TNIK: variants seen among roughly 807,000 people sequenced by gnomAD.
TNIK encodes the protein TRAF2 and NCK interacting kinase, also known as TRAF2 and NCK-interacting protein kinase.
In TNIK, 49 loss-of-function variants were observed where a neutral mutation model predicts 191.3. The observed-to-expected ratio is 0.26, with a 90% CI of 0.20 to 0.32. The LOEUF (loss-of-function observed/expected upper bound fraction) is 0.32, where lower values mean the gene tolerates loss of function less well. TNIK is among the 10% of genes least tolerant of loss of function. The pLI is 1.00. For missense variants in TNIK, 1,155 were observed against 1,702.3 expected (o/e 0.68, Z 5.66); for synonymous variants, 594 against 600.9 (o/e 0.99, Z 0.17).
Position 171,116,380 on chromosome 3 carries a change from T to C in TNIK, c.2121-5503A>G, listed in dbSNP as rs1726699024. Among the ~76,000 whole-genome samples the C allele has an allele frequency of 2.6e-5, 4 of 152,378 alleles. No homozygotes were observed. In the South Asian group the frequency reaches 6.2e-4, roughly 24 times the overall value. ...CATCCAAATGGATTTCTTTAAATGCTAACTTTTAGTTCAGACATTTGCCAT... is the reference window on the plus strand; with the variant it reads ...CATCCAAATGGATTTCTTTAAATGCCAACTTTTAGTTCAGACATTTGCCAT... On this transcript the variant is annotated intron_variant, in intron 18 of 32. Coordinates refer to ENST00000436636, the MANE Select transcript of TNIK (RefSeq NM_015028.4).
At chr3:171,418,554 C>T (rs974888713) in intron 1 of TNIK, among the ~76,000 whole-genome samples, 1 of 152,024 alleles carries the variant, frequency 6.6e-6, no homozygotes, top group Admixed American at 6.6e-5. Flanking sequence ...CAAGGATGAA[C>T]CTTGAAAACA....
rs1715777506 is a variant in TNIK at position 171,366,790 on chromosome 3, T to C, written c.123+2830A>G. Among the ~76,000 whole-genome samples, 1 of 152,222 alleles carries C rather than the reference T, an allele frequency of 6.6e-6. No homozygotes were observed. The highest frequency in any genetic ancestry group is 2.1e-4 in the South Asian group (1 of 4,828). On this transcript the variant is annotated intron_variant, in intron 2 of 32. Transcript: ENST00000436636. This position sits in a 1 kb window ranked among gnomAD's most constrained non-coding sequence, Gnocchi z 4.1. ...AATTGTAGTTCCCGTAATCCCCATG[T>C]GTCATGGGAGAGACCAGGTGGAGAT... is the stretch of plus-strand genomic sequence containing the variant.
chr3:171,122,098 C>A (rs1267747468), intron 18 of TNIK, among the ~76,000 whole-genome samples: 1 of 152,208 alleles, frequency 6.6e-6, no homozygotes, highest in Admixed American at 6.5e-5. Context: ...GCCTTAATGT[C>A]ACTAAAATAG....
intron 2 of TNIK, among the ~76,000 whole-genome samples, chr3:171,269,714 C>G (rs1200518002): frequency 6.6e-6 from 1 of 152,148 alleles, no homozygotes; most frequent in Non-Finnish European, 1.5e-5. Context: ...CATGAAAGAC[C>G]ACTGAAACAG....
chr3:171,280,110 C>T (rs941542801), intron 2 of TNIK, among the ~76,000 whole-genome samples: 1 of 152,166 alleles, frequency 6.6e-6, no homozygotes, highest in Non-Finnish European at 1.5e-5. Context: ...TCGCACGTTC[C>T]CTCCCGGCTA....
At chr3:171,406,225 A>C (rs1721654992) in intron 1 of TNIK, among the ~76,000 whole-genome samples, 1 of 152,106 alleles carries the variant, frequency 6.6e-6, no homozygotes, top group Non-Finnish European at 1.5e-5. Flanking sequence ...GCCAGCACAC[A>C]TTCCGTAATC....
chr3:171,423,102 A>G (rs994165331), intron 1 of TNIK, among the ~76,000 whole-genome samples: 2 of 152,228 alleles, frequency 1.3e-5, no homozygotes, highest in African/African-American at 4.8e-5. Flanking sequence ...GGGCACCAAA[A>G]TCTCCTTAAG....
intron 2 of TNIK, among the ~76,000 whole-genome samples, chr3:171,257,996 T>C (rs1464634038): frequency 6.6e-6 from 1 of 152,216 alleles, no homozygotes; most frequent in Non-Finnish European, 1.5e-5. Context: ...CCCTAGCCAC[T>C]ACAGACAAAC....
At chr3:171,270,808 A>G (rs1749000589) in intron 2 of TNIK, among the ~76,000 whole-genome samples, 1 of 152,200 alleles carries the variant, frequency 6.6e-6, no homozygotes, top group South Asian at 2.1e-4. Context: ...TTTAATCTAC[A>G]TAATGGGGAT....
At chr3:171,081,419 A>G (rs1560082113) in intron 27 of TNIK, among the ~76,000 whole-genome samples, 1 of 151,282 alleles carries the variant, frequency 6.6e-6, no homozygotes, top group Non-Finnish European at 1.5e-5. Context: ...GTACAATGGA[A>G]ACACATCAGA....
intron 1 of TNIK, chr3:171,439,743 G>T (rs1475435483): frequency 6.6e-6 from 1 of 152,156 alleles, no homozygotes; most frequent in Non-Finnish European, 1.5e-5. Flanking sequence ...ATAGTTCTTG[G>T]AACTGCAAAG....
chr3:171,419,761 C>G (rs951934775), intron 1 of TNIK, among the ~76,000 whole-genome samples: 1 of 152,096 alleles, frequency 6.6e-6, no homozygotes, highest in Admixed American at 6.6e-5. Flanking sequence ...ATCCTAAGCA[C>G]TTAATAACTA....
intron 1 of TNIK, among the ~76,000 whole-genome samples, chr3:171,403,604 T>C (rs1577801304): frequency 9.9e-6 from 1 of 101,380 alleles, no homozygotes; most frequent in Non-Finnish European, 1.8e-5. Context: ...ACAGTGAGAC[T>C]CCGTATCAAA....
chr3:171,381,247 T>C (rs1717988702), intron 1 of TNIK, among the ~76,000 whole-genome samples: 1 of 152,180 alleles, frequency 6.6e-6, no homozygotes, highest in Non-Finnish European at 1.5e-5. Context: ...TCCCTCCAGA[T>C]TTCCATGGGT....
chr3:171,117,699 G>A (rs142749629), intron 18 of TNIK, among the ~76,000 whole-genome samples: 40 of 152,172 alleles, frequency 2.6e-4, no homozygotes, highest in Admixed American at 1.2e-3. Context: ...GGCCGGGCGC[G>A]GTGGCTCACA....
At chr3:171,129,593 T>A (rs1221498194) in intron 15 of TNIK, among the ~76,000 whole-genome samples, 4 of 152,176 alleles carry the variant, frequency 2.6e-5, no homozygotes, top group African/African-American at 9.7e-5. Context: ...ACACATGTGG[T>A]GTTCATTCTT....
intron 12 of TNIK, among the ~76,000 whole-genome samples, chr3:171,143,342 C>T (rs1216265695): frequency 6.6e-6 from 1 of 152,198 alleles, no homozygotes; most frequent in Middle Eastern, 3.2e-3. Flanking sequence ...CATATCAATG[C>T]AAGACCAAGT....
intron 23 of TNIK, 120 bp from the exon 24 acceptor site, chr3:171,087,626 G>T: frequency 9.5e-7 from 1 of 1,054,998 alleles, no homozygotes; most frequent in Non-Finnish European, 1.4e-6. Context: ...GGCATGAGAA[G>T]GTGATATTCA....
intron 2 of TNIK, among the ~76,000 whole-genome samples, chr3:171,278,908 T>C (rs1750105378): frequency 6.6e-6 from 1 of 152,198 alleles, no homozygotes. Context: ...TGGAGGGGGA[T>C]ATTTTTAAAT....
Sources: gnomAD v4.1 joint callset for allele counts (sites outside exome capture counted in the v4.1 genomes callset) on GRCh38, gnomAD v4.1.1 for gene constraint, Gnocchi (gnomAD v3.1) non-coding constraint, MANE v1.5 for transcripts, NCBI Gene and HGNC (gene_info 2026-07-23, HGNC 2026-07-21) for gene names.